GARNL3: variants seen among roughly 807,000 people sequenced by gnomAD.
The protein encoded by GARNL3 is GTPase activating Rap/RanGAP domain like 3.
A neutral mutation model predicts 125.0 loss-of-function variants in GARNL3; 63 were observed. That is an observed-to-expected ratio of 0.50 (90% CI 0.41 to 0.62). The LOEUF (loss-of-function observed/expected upper bound fraction) is 0.62, where lower values mean the gene tolerates loss of function less well. Ranked by LOEUF, GARNL3 falls within the 20% of genes least tolerant of loss-of-function variation. The probability of loss-of-function intolerance (pLI) is 0.00; values close to 1 mark genes in which losing one functional copy is unlikely to be tolerated. For synonymous variants in GARNL3, 439 were observed against 457.5 expected (o/e 0.96, Z 0.52); for missense variants, 994 against 1,244.0 (o/e 0.80, Z 3.02).
At chr9:127,359,404 C>G (rs568887778) in intron 21 of GARNL3, among the ~76,000 whole-genome samples, 17 of 152,244 alleles carry the variant, frequency 1.1e-4, no homozygotes, top group Non-Finnish European at 2.4e-4. Context: ...GAAAGAGAAT[C>G]GCTTGAAGCC....
intron 25 of GARNL3, chr9:127,388,298 A>G (rs1832654384): frequency 6.7e-6 from 1 of 150,220 alleles, no homozygotes; most frequent in Admixed American, 6.7e-5. Context: ...CCTGAGCGAC[A>G]GAACAAGACC....
At chr9:127,370,808 G>C (rs1037506405) in intron 22 of GARNL3, among the ~76,000 whole-genome samples, 1 of 151,978 alleles carries the variant, frequency 6.6e-6, no homozygotes, top group Non-Finnish European at 1.5e-5. Context: ...CCCTGTCCTC[G>C]CCTTTCCATC....
intron 22 of GARNL3, among the ~76,000 whole-genome samples, chr9:127,372,844 T>G (rs1471646550): frequency 1.3e-5 from 2 of 152,192 alleles, no homozygotes; most frequent in Admixed American, 1.3e-4. Flanking sequence ...CTTTTGGGAA[T>G]TTTAACATTT....
At chr9:127,327,591 G>T (rs544852727) in intron 7 of GARNL3, among the ~76,000 whole-genome samples, 2 of 152,154 alleles carry the variant, frequency 1.3e-5, no homozygotes, top group Admixed American at 6.6e-5. Context: ...TTAAGAGAGG[G>T]TCTCGCTATA....
rs1300135856 is a variant in GARNL3, at chr9:127,385,177, G to C, written c.2388+32G>C. The C allele has an allele frequency of 3.5e-6, 5 of 1,409,498 alleles. 1 individual carries two copies. In the African/African-American group the frequency reaches 5.6e-5, roughly 16 times the overall value. The allele number at this position is 1,409,498 out of a possible 1,614,324, so 87.3% of individuals were successfully genotyped here. A position where few individuals can be genotyped will look rare whatever the true frequency, so the allele number is the denominator to read the frequency against. The stretch of plus-strand genomic sequence containing the variant: ...AGGACTGGGATTTTATCTCTGAGTG[G>C]TTTGGGGGACCCCGGCACTGTGGGA... On this transcript the variant is annotated intron_variant, in intron 24 of 27. Coordinates refer to ENST00000373387, the MANE Select transcript of GARNL3 (RefSeq NM_032293.5). The surrounding 1 kb of genome is among the most constrained non-coding windows in gnomAD (Gnocchi z 4.1).
intron 2 of GARNL3, among the ~76,000 whole-genome samples, chr9:127,249,958 G>A (rs1403178893): frequency 1.3e-5 from 2 of 152,166 alleles, no homozygotes; most frequent in East Asian, 1.9e-4. Flanking sequence ...GCAGGGAGCC[G>A]AGATTGCACC....
intron 26 of GARNL3, among the ~76,000 whole-genome samples, chr9:127,389,748 C>A (rs765745697): frequency 1.3e-5 from 2 of 151,596 alleles, no homozygotes; most frequent in Non-Finnish European, 2.9e-5. Flanking sequence ...TGGTGAAACC[C>A]CATCTCTATA....
chr9:127,391,533 A>AAAATATATATATATATATAT, intron 27 of GARNL3, among the ~76,000 whole-genome samples: 1 of 75,844 alleles, frequency 1.3e-5, no homozygotes, highest in Non-Finnish European at 3.2e-5. Flanking sequence ...ACAAAAAAAA[A>AAAATATATATATATATATAT]ATATATATAT....
chr9:127,359,100 A>G (rs928349534), intron 21 of GARNL3, among the ~76,000 whole-genome samples: 1 of 125,176 alleles, frequency 8.0e-6, no homozygotes, highest in Non-Finnish European at 1.7e-5. Flanking sequence ...CACTCCCCCC[A>G]CCCGCCGCCC....
chr9:127,300,256 T>G (rs2064743631), intron 2 of GARNL3: 1 of 272,874 alleles, frequency 3.7e-6, no homozygotes, highest in Non-Finnish European at 7.6e-6. Flanking sequence ...TCTTTGTGCT[T>G]TTTTAAGATC....
At chr9:127,367,258 C>G (rs1447262430) in intron 22 of GARNL3, 1 of 152,248 alleles carries the variant, frequency 6.6e-6, no homozygotes, top group African/African-American at 2.4e-5. Flanking sequence ...ATGTTCTTGA[C>G]TTGATCACAG....
At chr9:127,342,711 TG>T (rs1829927265) in intron 14 of GARNL3, among the ~76,000 whole-genome samples, 1 of 151,778 alleles carries the variant, frequency 6.6e-6, no homozygotes. Flanking sequence ...CAGGCAAAGG[TG>T]GGATTTTTAG....
intron 1 of GARNL3, among the ~76,000 whole-genome samples, chr9:127,272,166 A>T (rs900086292): frequency 1.3e-5 from 2 of 150,136 alleles, no homozygotes; most frequent in African/African-American, 5.1e-5. Flanking sequence ...CACAGATTGG[A>T]TTTATACCTG....
chr9:127,265,056 T>A (rs772514072), intron 1 of GARNL3, 35 bp downstream of exon 1: 1 of 1,573,046 alleles, frequency 6.4e-7, no homozygotes, highest in Admixed American at 1.8e-5. Context: ...GGTAGTACAT[T>A]GATTTAGATT....
At chr9:127,306,291 A>G (rs531822070) in intron 2 of GARNL3, among the ~76,000 whole-genome samples, 47 of 152,358 alleles carry the variant, frequency 3.1e-4, no homozygotes, top group African/African-American at 1.1e-3. Flanking sequence ...ATTTTAAAAT[A>G]CATTAAATAG....
intron 22 of GARNL3, among the ~76,000 whole-genome samples, chr9:127,373,086 C>T (rs1253512704): frequency 1.3e-5 from 2 of 152,202 alleles, no homozygotes; most frequent in Non-Finnish European, 2.9e-5. Flanking sequence ...ACAAAACTTC[C>T]TACTTTCTTA....
chr9:127,360,342 G>GA (rs970099990), intron 21 of GARNL3, among the ~76,000 whole-genome samples: 17 of 150,758 alleles, frequency 1.1e-4, no homozygotes, highest in African/African-American at 9.7e-5. Context: ...AGTTTTTAAG[G>GA]AAAAAAAAAC....
intron 26 of GARNL3, 147 bp from the exon 27 acceptor site, chr9:127,390,494 A>G (rs914274675): frequency 6.4e-6 from 5 of 777,568 alleles, no homozygotes; most frequent in Non-Finnish European, 8.2e-6. Flanking sequence ...CAGAAAACCA[A>G]TAATTTGAAA....
At chr9:127,296,171 G>A (rs187131239) in intron 2 of GARNL3, among the ~76,000 whole-genome samples, 1 of 152,226 alleles carries the variant, frequency 6.6e-6, no homozygotes, top group Admixed American at 6.5e-5. Flanking sequence ...GATGGGAGTG[G>A]CTGCAAATAT....
Sources: allele counts gnomAD v4.1 joint callset (sites outside exome capture counted in the v4.1 genomes callset), GRCh38; gene constraint gnomAD v4.1.1; non-coding constraint Gnocchi (gnomAD v3.1); transcripts MANE v1.5; gene names NCBI Gene and HGNC (gene_info 2026-07-23, HGNC 2026-07-21).